The following CDKN2A variants were observed in gnomAD, a reference collection of about 807,000 sequenced individuals.
CDKN2A encodes the protein cyclin-dependent kinase inhibitor 2A.
A neutral mutation model predicts 11.1 loss-of-function variants in CDKN2A; 3 were observed. That is an observed-to-expected ratio of 0.27 (90% CI 0.12 to 0.70). The LOEUF is 0.70. Ranked by LOEUF, CDKN2A falls within the 30% of genes least tolerant of loss-of-function variation. The pLI, the probability that CDKN2A is intolerant of heterozygous loss-of-function variation, is 0.77. For synonymous variants in CDKN2A, 122 were observed against 108.1 expected (o/e 1.13, Z -0.80); for missense variants, 265 against 233.6 (o/e 1.13, Z -0.88).
upstream of CDKN2A, among the ~76,000 whole-genome samples, chr9:21,975,766 C>T (rs1028584252): frequency 6.6e-6 from 1 of 152,168 alleles, no homozygotes; most frequent in African/African-American, 2.4e-5. Context: ...AGTCATAATT[C>T]CTAGACCAGA....
Position 21,967,818 on chromosome 9 carries a change from G to T in CDKN2A, c.*411C>A. 3.2e-6 allele frequency: 1 copy of T among 312,870 alleles called. No homozygotes were observed. Among genetic ancestry groups the T allele is most frequent in the Admixed American group, 4.6e-5 (1 of 21,962 alleles). 19.4% of individuals were successfully genotyped at this position (312,870 alleles called of 1,614,324 possible). A position where few individuals can be genotyped will look rare whatever the true frequency, so the allele number is the denominator to read the frequency against. Reference sequence around the variant, plus strand: ...TGGTTCTGCCATTTGCTAGCAGTGTGACTCAAGAGAAGCCAGTAACCCCCC... The same window carrying T: ...TGGTTCTGCCATTTGCTAGCAGTGTTACTCAAGAGAAGCCAGTAACCCCCC... On this transcript the variant is annotated 3_prime_UTR_variant, in exon 3 of 3. Coordinates refer to ENST00000304494, the MANE Select transcript of CDKN2A (RefSeq NM_000077.5).
chr9:21,979,035 C>A (rs556908931), upstream of CDKN2A, among the ~76,000 whole-genome samples: 3 of 152,266 alleles, frequency 2.0e-5, no homozygotes, highest in East Asian at 3.9e-4. Context: ...GAAAAGGTGA[C>A]CAAACTCATT....
At chr9:21,994,734 G>C (rs1587359609) in intron 1 of CDKN2A, 1 of 113,678 alleles carries the variant, frequency 8.8e-6, no homozygotes, top group Non-Finnish European at 1.5e-5. Context: ...CGGGCGCCCC[G>C]CGGTGACGGC....
At chr9:21,993,290 T>C (rs1206334698) in intron 2 of CDKN2A, among the ~76,000 whole-genome samples, 1 of 152,242 alleles carries the variant, frequency 6.6e-6, no homozygotes, top group Admixed American at 6.5e-5. Context: ...TATAGGAAAT[T>C]ACACTGGCTG....
chr9:21,994,340 C>A, intron 1 of CDKN2A: 2 of 1,606,320 alleles, frequency 1.2e-6, no homozygotes, highest in Non-Finnish European at 1.7e-6. Context: ...ATGTTCTCGC[C>A]GCCTCCAGGG....
chr9:21,983,239 T>C (rs1207518309), intron 2 of CDKN2A, among the ~76,000 whole-genome samples: 1 of 152,084 alleles, frequency 6.6e-6, no homozygotes, highest in East Asian at 1.9e-4. Flanking sequence ...TGATTAAAGC[T>C]CACATATTTA....
At chr9:21,971,533 C>A (rs1819751235) in intron 1 of CDKN2A, 4 of 343,548 alleles carry the variant, frequency 1.2e-5, no homozygotes, top group African/African-American at 2.6e-5. Context: ...CCCTGAGATA[C>A]AACTACTGAA....
rs1819671154 is a variant in CDKN2A, at chr9:21,970,784, C to T, written c.457+118G>A. 3 of 1,285,358 alleles carry T rather than the reference C, an allele frequency of 2.3e-6. No individual in the cohort carries two copies. The South Asian group carries it at 3.8e-5, about 16-fold the overall frequency. The allele number at this position is 1,285,358 out of a possible 1,614,324, so 79.6% of individuals were successfully genotyped here. The stretch of plus-strand genomic sequence containing the variant: ...ACTCAGGCCGTCCCACCGATTGGCG[C>T]GTGAGCTGAGGCAAGACCGGAGACT... On this transcript the variant is annotated intron_variant, in intron 2 of 2. Coordinates refer to ENST00000304494, the MANE Select transcript of CDKN2A (RefSeq NM_000077.5).
chr9:21,977,421 G>T (rs949329729), upstream of CDKN2A, among the ~76,000 whole-genome samples: 1 of 151,992 alleles, frequency 6.6e-6, no homozygotes, highest in Non-Finnish European at 1.5e-5. Flanking sequence ...AAATGGCACC[G>T]CACGATCTCT....
chr9:21,974,601 G>T lies in CDKN2A; in HGVS notation c.150+77C>A, dbSNP rs2131110837. 6.2e-7 allele frequency: 1 copy of T among 1,614,022 alleles called. No individual in the cohort carries two copies. ...TTTCCGGAGAATCGAAGCGCTACCT[G>T]ATTCCAATTCCCCTGCAAACTTCGT... is the stretch of plus-strand genomic sequence containing the variant. On this transcript the variant is annotated intron_variant, in intron 1 of 2. Transcript: ENST00000304494. This position sits in a 1 kb window ranked among gnomAD's most constrained non-coding sequence, Gnocchi z 5.2.
At chr9:21,986,817 T>C (rs982307743) in intron 2 of CDKN2A, among the ~76,000 whole-genome samples, 3 of 152,048 alleles carry the variant, frequency 2.0e-5, no homozygotes, top group Non-Finnish European at 2.9e-5. Flanking sequence ...AGCATGTAAA[T>C]TGCATGGAGT....
intron 2 of CDKN2A, among the ~76,000 whole-genome samples, chr9:21,992,957 T>C (rs1399474329): frequency 6.6e-6 from 1 of 152,166 alleles, no homozygotes; most frequent in Non-Finnish European, 1.5e-5. Flanking sequence ...TTAACTTGCA[T>C]AATATGAAAA....
rs745702441 is a variant in CDKN2A at position 21,970,963 on chromosome 9, C to G, written c.396G>C (p.Ala132=). Residue 132 remains alanine (A), a synonymous_variant, in exon 2 of 3, where the codon GCG becomes GCC. Coordinates refer to ENST00000304494, the MANE Select transcript of CDKN2A (RefSeq NM_000077.5). The stretch of plus-strand genomic sequence containing the variant: ...TACTGCCTCTGGTGCCCCCCGCAGC[C>G]GCGCGCAGGTACCGTGCGACATCGC... ...GHRDVARYLR[A]AAGGTRGSNH... The G allele has an allele frequency of 6.2e-7, 1 of 1,611,656 alleles. No individual in the cohort carries two copies. The highest frequency in any genetic ancestry group is 8.5e-7 in the Non-Finnish European group (1 of 1,180,030).
intron 1 of CDKN2A, chr9:21,994,643 C>G (rs2131150482): frequency 2.5e-6 from 1 of 394,900 alleles, no homozygotes; most frequent in Non-Finnish European, 4.5e-6. Flanking sequence ...TCAGGGCCCG[C>G]GTTCCTCTCC....
At chr9:21,970,576 C>G in intron 2 of CDKN2A, 2 of 566,938 alleles carry the variant, frequency 3.5e-6, no homozygotes, top group Non-Finnish European at 6.3e-6. Context: ...AGAGGGGGCA[C>G]TAGACCTCTA....
intron 2 of CDKN2A, 62 bp downstream of exon 2, chr9:21,970,840 A>G (rs1202036220): frequency 1.3e-6 from 2 of 1,590,232 alleles, no homozygotes; most frequent in East Asian, 2.2e-5. Flanking sequence ...CTGTGCTGGA[A>G]AATGAATGCT....
intron 1 of CDKN2A, chr9:21,994,374 G>C (rs557274315): frequency 2.5e-6 from 4 of 1,607,522 alleles, no homozygotes; most frequent in Non-Finnish European, 3.4e-6. Flanking sequence ...CCGCTGCGCC[G>C]CCCTTTGGCA....
intron 2 of CDKN2A, among the ~76,000 whole-genome samples, chr9:21,993,006 A>T (rs1351398198): frequency 1.3e-5 from 2 of 152,220 alleles, no homozygotes; most frequent in African/African-American, 2.4e-5. Flanking sequence ...TAGATTATAA[A>T]TTTTTGCTAA....
chr9:21,993,317 T>A (rs1463471237), intron 2 of CDKN2A, among the ~76,000 whole-genome samples: 1 of 152,248 alleles, frequency 6.6e-6, no homozygotes, highest in Admixed American at 6.5e-5. Flanking sequence ...CATTTGTCAA[T>A]GTGAGGACAA....
Sources: gnomAD v4.1 joint callset for allele counts (sites outside exome capture counted in the v4.1 genomes callset) on GRCh38, gnomAD v4.1.1 for gene constraint, Gnocchi (gnomAD v3.1) non-coding constraint, MANE v1.5 for transcripts, NCBI Gene and HGNC (gene_info 2026-07-23, HGNC 2026-07-21) for gene names.